KANSL1: variants seen among roughly 807,000 people sequenced by gnomAD.
KANSL1 encodes MLL1/MLL complex subunit KANSL1.
Under a neutral mutation model 103.6 loss-of-function variants are expected in KANSL1, and 22 were observed. The observed-to-expected ratio is 0.21, with a 90% CI of 0.15 to 0.30. The LOEUF (loss-of-function observed/expected upper bound fraction) is 0.30, where lower values mean the gene tolerates loss of function less well. Ranked by LOEUF, KANSL1 falls within the 10% of genes least tolerant of loss-of-function variation. The pLI is 1.00. For synonymous variants in KANSL1, 600 were observed against 527.6 expected (o/e 1.14, Z -1.88); for missense variants, 1,337 against 1,399.8 (o/e 0.96, Z 0.72).
chr17:46,128,597 C>T (rs980072917), intron 2 of KANSL1, among the ~76,000 whole-genome samples: 1 of 152,166 alleles, frequency 6.6e-6, no homozygotes, highest in Non-Finnish European at 1.5e-5. Flanking sequence ...GTAGTAGAGA[C>T]CTGAACAGGG....
intron 2 of KANSL1, among the ~76,000 whole-genome samples, chr17:46,112,309 A>G (rs1227116167): frequency 1.4e-5 from 2 of 141,316 alleles, no homozygotes; most frequent in Non-Finnish European, 3.0e-5. Flanking sequence ...TGAAGGTTGC[A>G]GTGAGCCAAG....
At position 46,050,607 on chromosome 17, in the gene KANSL1, T is replaced by C; in HGVS notation, c.1946A>G (p.His649Arg). 6.2e-7 allele frequency: 1 copy of C among 1,614,122 alleles called. No homozygotes were observed. The highest frequency in any genetic ancestry group is 8.5e-7 in the Non-Finnish European group (1 of 1,180,024). Reference sequence around the variant, plus strand: ...ACGTTCCAACAGAGGGGCTTCATAGTGAATTTCGGGAGGCATGGTGTTGAT... The same window carrying C: ...ACGTTCCAACAGAGGGGCTTCATAGCGAATTTCGGGAGGCATGGTGTTGAT... ...GSINTMPPEIHYEAPLLERLS... is the reference protein window; with the variant it reads ...GSINTMPPEIRYEAPLLERLS... The change falls in exon 7 of 15, where the codon CAC becomes CGC. Residue 649 changes from histidine to arginine, a missense_variant. Transcript: ENST00000432791.
intron 4 of KANSL1, among the ~76,000 whole-genome samples, chr17:46,077,449 T>C (rs1394725827): frequency 1.3e-5 from 2 of 152,264 alleles, no homozygotes; most frequent in South Asian, 2.1e-4. Context: ...GTTTTTTTCC[T>C]AATTTTTAAA....
intron 1 of KANSL1, among the ~76,000 whole-genome samples, chr17:46,199,036 C>T (rs2047707973): frequency 6.6e-6 from 1 of 152,168 alleles, no homozygotes; most frequent in Non-Finnish European, 1.5e-5. Context: ...CATGTTCTCA[C>T]ATTAATATTT....
intron 1 of KANSL1, among the ~76,000 whole-genome samples, chr17:46,207,700 G>A (rs1204306317): frequency 1.3e-5 from 2 of 152,224 alleles, no homozygotes; most frequent in Non-Finnish European, 2.9e-5. Flanking sequence ...TCATCAGGTT[G>A]AGCACAGGGG....
intron 6 of KANSL1, among the ~76,000 whole-genome samples, chr17:46,055,786 CAG>C (rs1323658699): frequency 6.6e-6 from 1 of 151,892 alleles, no homozygotes; most frequent in African/African-American, 2.4e-5. Flanking sequence ...GGTTAAGAAA[CAG>C]AAAATTTAAA....
chr17:46,051,420 C>T (rs2077707726), intron 6 of KANSL1, among the ~76,000 whole-genome samples: 1 of 152,178 alleles, frequency 6.6e-6, no homozygotes, highest in Non-Finnish European at 1.5e-5. Context: ...TTCCTTTGTG[C>T]ACATGTGGGC....
chr17:46,130,186 C>CAAAAAAAAAAAAAAAAAAAAAAAA (rs1172626506), intron 2 of KANSL1, among the ~76,000 whole-genome samples: 1 of 57,700 alleles, frequency 1.7e-5, no homozygotes. Flanking sequence ...GATCCTGTCT[C>CAAAAAAAAAAAAAAAAAAAAAAAA]CAAAAAAAAA....
intron 6 of KANSL1, 68 bp from the exon 7 acceptor site, chr17:46,050,772 C>A (rs1032067811): frequency 1.4e-6 from 2 of 1,445,218 alleles, no homozygotes; most frequent in Middle Eastern, 4.5e-4. Flanking sequence ...CATTTGTTAT[C>A]CCCATTTGTT....
At chr17:46,053,193 G>C (rs2077787440) in intron 6 of KANSL1, among the ~76,000 whole-genome samples, 1 of 149,762 alleles carries the variant, frequency 6.7e-6, no homozygotes, top group African/African-American at 2.5e-5. Context: ...GCTGGTAAGA[G>C]AATCACTTGA....
chr17:46,164,932 T>C (rs1391315778), intron 2 of KANSL1, among the ~76,000 whole-genome samples: 1 of 152,182 alleles, frequency 6.6e-6, no homozygotes, highest in Non-Finnish European at 1.5e-5. Flanking sequence ...CCCACCACTT[T>C]ATGAAATGAT....
chr17:46,093,738 T>C (rs544324783), intron 3 of KANSL1: 2 of 152,376 alleles, frequency 1.3e-5, no homozygotes, highest in South Asian at 2.1e-4. Context: ...CCCTTATTTT[T>C]AGTAGCAATA....
At chr17:46,069,843 C>G (rs2078512010) in intron 4 of KANSL1, among the ~76,000 whole-genome samples, 1 of 151,992 alleles carries the variant, frequency 6.6e-6, no homozygotes, top group Non-Finnish European at 1.5e-5. Flanking sequence ...ACAGATCAAA[C>G]TATATACACA....
chr17:46,190,350 G>A (rs2047255440), intron 1 of KANSL1, among the ~76,000 whole-genome samples: 1 of 152,252 alleles, frequency 6.6e-6, no homozygotes, highest in East Asian at 1.9e-4. Flanking sequence ...GGTTTAACCA[G>A]AGAAATAACA....
intron 6 of KANSL1, among the ~76,000 whole-genome samples, chr17:46,057,828 A>G (rs1023435590): frequency 2.0e-5 from 3 of 152,248 alleles, no homozygotes; most frequent in East Asian, 1.9e-4. Context: ...GAATAATTTC[A>G]TAACAAAATT....
At chr17:46,138,423 T>C (rs991298846) in intron 2 of KANSL1, among the ~76,000 whole-genome samples, 18 of 152,374 alleles carry the variant, frequency 1.2e-4, no homozygotes, top group Admixed American at 2.6e-4. Flanking sequence ...TTAGGTGTTA[T>C]AAGTAATCTA....
rs895906847 is a variant in KANSL1 at position 46,031,967 on chromosome 17, G to A, written c.3090+80C>T. On this transcript the variant is annotated intron_variant, in intron 14 of 14. Transcript: ENST00000432791. ...TTCAAAAGGGGGAGGGGATGGCTAGGTCCCTCTTCAGCAGATGCTGCCCCT... is the reference window on the plus strand; with the variant it reads ...TTCAAAAGGGGGAGGGGATGGCTAGATCCCTCTTCAGCAGATGCTGCCCCT... 7.5e-6 allele frequency: 12 copies of A among 1,594,142 alleles called. No homozygotes were observed. The East Asian group carries it at 1.1e-4, about 15-fold the overall frequency.
intron 1 of KANSL1, among the ~76,000 whole-genome samples, chr17:46,180,514 T>A (rs1344681617): frequency 6.6e-6 from 1 of 151,408 alleles, no homozygotes. Flanking sequence ...AAGAAATAAA[T>A]AATAAAAATA....
intron 1 of KANSL1, among the ~76,000 whole-genome samples, chr17:46,209,385 T>C (rs1458820486): frequency 6.6e-6 from 1 of 152,232 alleles, no homozygotes; most frequent in Non-Finnish European, 1.5e-5. Context: ...TTAATAAGCA[T>C]ACAAATCTCT....
Sources: allele counts gnomAD v4.1 joint callset (sites outside exome capture counted in the v4.1 genomes callset), GRCh38; gene constraint gnomAD v4.1.1; transcripts MANE v1.5; gene names NCBI Gene and HGNC (gene_info 2026-07-23, HGNC 2026-07-21).